Variants in STRN observed in about 807,000 individuals in gnomAD.
STRN encodes protein phosphatase 2 regulatory subunit B'''alpha.
A neutral mutation model predicts 96.3 loss-of-function variants in STRN; 53 were observed. The ratio of observed to expected loss-of-function variants is 0.55; its 90% CI spans 0.44 to 0.69. The LOEUF (loss-of-function observed/expected upper bound fraction) is 0.69. Ranked by LOEUF, STRN falls within the 30% of genes least tolerant of loss-of-function variation. The pLI, the probability that STRN is intolerant of heterozygous loss-of-function variation, is 0.00. For synonymous variants in STRN, 428 were observed against 355.9 expected, an observed-to-expected ratio of 1.20 and a Z score of -2.28; for missense variants, 987 against 963.9, an observed-to-expected ratio of 1.02 and a Z score of -0.32.
At chr2:36,878,131 T>C (rs928313610) in intron 9 of STRN, 104 bp from the exon 10 acceptor site, 6 of 1,267,534 alleles carry the variant, frequency 4.7e-6, no homozygotes, top group East Asian at 4.8e-5. Flanking sequence ...ATATACTTAA[T>C]TGTTTTTAAA....
chr2:36,887,523 GGA>G (rs1316132859), intron 7 of STRN, among the ~76,000 whole-genome samples: 2 of 151,548 alleles, frequency 1.3e-5, no homozygotes, highest in Non-Finnish European at 2.9e-5. Context: ...AATTCCTCTA[GGA>G]CTAACACAAA....
intron 8 of STRN, among the ~76,000 whole-genome samples, chr2:36,885,748 C>G (rs1049592218): frequency 1.3e-5 from 2 of 152,096 alleles, no homozygotes; most frequent in African/African-American, 4.8e-5. Context: ...AGCATCACTA[C>G]AGAGAGAGAA....
chr2:36,897,748 A>G (rs1007113944), intron 6 of STRN, among the ~76,000 whole-genome samples: 8 of 152,002 alleles, frequency 5.3e-5, no homozygotes, highest in Admixed American at 1.3e-4. Flanking sequence ...AAACTAAAAA[A>G]ATTTTTGAGT....
chr2:36,870,464 C>T (rs1386615322), intron 10 of STRN, among the ~76,000 whole-genome samples: 2 of 152,104 alleles, frequency 1.3e-5, no homozygotes, highest in East Asian at 3.8e-4. Context: ...CAATCATGTG[C>T]CACATAAATA....
intron 5 of STRN, among the ~76,000 whole-genome samples, chr2:36,900,416 G>T (rs1408590850): frequency 1.3e-5 from 2 of 151,872 alleles, no homozygotes; most frequent in Non-Finnish European, 2.9e-5. Context: ...ATGCAATCTT[G>T]TATTTCTGCT....
chr2:36,871,923 A>G (rs1200339416), intron 10 of STRN, among the ~76,000 whole-genome samples: 1 of 152,266 alleles, frequency 6.6e-6, no homozygotes, highest in African/African-American at 2.4e-5. Flanking sequence ...GGATAATAAG[A>G]GAACATAAAA....
chr2:36,897,840 C>G (rs1484909203), intron 6 of STRN, among the ~76,000 whole-genome samples: 2 of 152,094 alleles, frequency 1.3e-5, no homozygotes, highest in African/African-American at 4.8e-5. Context: ...CATGCAGTAT[C>G]ACACATGGCT....
At chr2:36,943,412 G>C (rs925912319) in intron 1 of STRN, among the ~76,000 whole-genome samples, 5 of 151,318 alleles carry the variant, frequency 3.3e-5, no homozygotes, top group African/African-American at 1.2e-4. Flanking sequence ...AAATATATAA[G>C]ATTAATAAAA....
At chr2:36,868,742 A>C (rs1668691882) in intron 11 of STRN, among the ~76,000 whole-genome samples, 1 of 152,174 alleles carries the variant, frequency 6.6e-6, no homozygotes, top group Non-Finnish European at 1.5e-5. Flanking sequence ...ATCTCTCTTA[A>C]GCCAGGCAAT....
At chr2:36,910,832 A>T (rs1282414943) in intron 3 of STRN, among the ~76,000 whole-genome samples, 1 of 152,218 alleles carries the variant, frequency 6.6e-6, no homozygotes, top group Non-Finnish European at 1.5e-5. Context: ...CTGGCTTCTA[A>T]TATTAAATAG....
chr2:36,957,742 GTCTTTTTT>G (rs1664925913), intron 1 of STRN, among the ~76,000 whole-genome samples: 2 of 103,132 alleles, frequency 1.9e-5, no homozygotes, highest in Non-Finnish European at 3.9e-5. Flanking sequence ...TCTTCTTTTT[GTCTTTTTT>G]TTTTTTTTTT....
intron 5 of STRN, 88 bp downstream of exon 5, chr2:36,902,496 A>T: frequency 1.0e-6 from 1 of 984,302 alleles, no homozygotes; most frequent in Non-Finnish European, 1.4e-6. Context: ...CTATGTCACT[A>T]CCTAAAAGTA....
chr2:36,866,469 A>G (rs1668629187), intron 12 of STRN, among the ~76,000 whole-genome samples: 1 of 152,286 alleles, frequency 6.6e-6, no homozygotes, highest in Middle Eastern at 3.4e-3. Flanking sequence ...AGTGTGGTTG[A>G]TTTTAGAATA....
At chr2:36,918,101 TA>T (rs1481848137) in intron 2 of STRN, among the ~76,000 whole-genome samples, 1 of 152,152 alleles carries the variant, frequency 6.6e-6, no homozygotes, top group East Asian at 1.9e-4. Context: ...TTTTAGTAAA[TA>T]TGTTTAGTCC....
chr2:36,842,806 A>G lies in STRN; in HGVS notation c.*6650T>C, dbSNP rs1348102877. 3.3e-5 allele frequency among the ~76,000 whole-genome samples: 5 copies of G among 152,130 alleles called. No homozygotes were observed. The highest frequency in any genetic ancestry group is 5.9e-5 in the Non-Finnish European group (4 of 68,030). On this transcript the variant is annotated 3_prime_UTR_variant, in exon 18 of 18. Transcript: ENST00000263918. ...AACGGATTCCAATTTTCAGAGCCGT[A>G]TGTCAGTGCTTCCTTAGAGAACTGG... is the stretch of plus-strand genomic sequence containing the variant.
chr2:36,933,875 C>T (rs762918307), intron 1 of STRN, among the ~76,000 whole-genome samples: 5 of 152,090 alleles, frequency 3.3e-5, no homozygotes, highest in Non-Finnish European at 5.9e-5. Flanking sequence ...TTTGGGAGGC[C>T]GAGGCAGGTG....
At position 36,844,366 on chromosome 2, in the gene STRN, T is replaced by TA. The variant is rs778234082; in HGVS notation, c.*5089dup. ...GCAGCTCTCTACAAGTCAATTAAAA[T>TA]ACCATTCTCTGAGACATTTTCAGAG... On this transcript the variant is annotated 3_prime_UTR_variant, in exon 18 of 18. Transcript: ENST00000263918. 6.6e-6 allele frequency: 1 copy of TA among 152,116 alleles called. No homozygotes were observed. Among genetic ancestry groups the TA allele is most frequent in the African/African-American group, 2.4e-5 (1 of 41,438 alleles). The allele number at this position is 152,116 out of a possible 1,614,324, so 9.4% of individuals were successfully genotyped here. A position where few individuals can be genotyped will look rare whatever the true frequency, so the allele number is the denominator to read the frequency against.
chr2:36,908,361 G>A (rs1669875843), intron 3 of STRN, among the ~76,000 whole-genome samples: 1 of 152,148 alleles, frequency 6.6e-6, no homozygotes, highest in South Asian at 2.1e-4. Flanking sequence ...GAAGAACAAG[G>A]AATGAATTAC....
At chr2:36,860,715 A>G (rs1244637495) in intron 13 of STRN, among the ~76,000 whole-genome samples, 1 of 152,192 alleles carries the variant, frequency 6.6e-6, no homozygotes, top group African/African-American at 2.4e-5. Flanking sequence ...TTTAAAAATT[A>G]TTAGCTTCTA....
Sources: gnomAD v4.1 joint callset for allele counts (sites outside exome capture counted in the v4.1 genomes callset) on GRCh38, gnomAD v4.1.1 for gene constraint, MANE v1.5 for transcripts, NCBI Gene and HGNC (gene_info 2026-07-23, HGNC 2026-07-21) for gene names.